Variants in DPYD observed in about 807,000 individuals in gnomAD.
DPYD encodes dihydropyrimidine dehydrogenase [NADP(+)].
A neutral mutation model predicts 116.2 loss-of-function variants in DPYD; 109 were observed. The observed-to-expected ratio is 0.94, with a 90% CI of 0.80 to 1.10. DPYD has a LOEUF of 1.10. Among genes scored for constraint, DPYD ranks in the 50% least tolerant of loss-of-function variants. DPYD has a pLI of 0.00. For missense variants in DPYD, 1,302 were observed against 1,254.5 expected (o/e 1.04, Z -0.57); for synonymous variants, 440 against 432.0 (o/e 1.02, Z -0.23).
intron 16 of DPYD, among the ~76,000 whole-genome samples, chr1:97,314,224 C>T (rs1667681598): frequency 6.6e-6 from 1 of 151,834 alleles, no homozygotes. Flanking sequence ...ATATTGAGGG[C>T]TTTTCCAGAG....
rs577452711 is a variant in DPYD, at chr1:97,188,570, G to T, written c.2622+4499C>A. On this transcript the variant is annotated intron_variant, in intron 20 of 22. Coordinates refer to ENST00000370192, the MANE Select transcript of DPYD (RefSeq NM_000110.4). ...AAGATATACAATTAAAGAAAATGCA[G>T]TACTTGCAATACTAGTTGTAGGAAC... is the stretch of plus-strand genomic sequence containing the variant. Among the ~76,000 whole-genome samples the T allele has an allele frequency of 6.7e-4, 102 of 152,254 alleles. 1 individual carries two copies. Among genetic ancestry groups the T allele is most frequent in the Non-Finnish European group, 1.4e-3 (93 of 68,016 alleles).
At chr1:97,568,837 T>C (rs1652707082) in intron 11 of DPYD, among the ~76,000 whole-genome samples, 1 of 152,120 alleles carries the variant, frequency 6.6e-6, no homozygotes, top group South Asian at 2.1e-4. Context: ...CACACTAATA[T>C]GTCAGTTGCT....
intron 19 of DPYD, among the ~76,000 whole-genome samples, chr1:97,217,561 T>A (rs1263386258): frequency 2.0e-5 from 3 of 152,156 alleles, no homozygotes; most frequent in Admixed American, 6.5e-5. Context: ...CTAGTCACAA[T>A]TAAATACCAT....
Position 97,679,513 on chromosome 1 carries a change from A to T in DPYD, c.763-331T>A, listed in dbSNP as rs138461309. Among the ~76,000 whole-genome samples, 21 of 152,262 alleles carry T rather than the reference A, an allele frequency of 1.4e-4. 1 individual carries two copies. The East Asian group carries it at 4.1e-3, about 29-fold the overall frequency. On this transcript the variant is annotated intron_variant, in intron 7 of 22. Transcript: ENST00000370192. ...ATAAATAAGACACATTTCCAGCATC[A>T]ATGTACAGTCAAGTAGGGGCAAAAG...
intron 13 of DPYD, among the ~76,000 whole-genome samples, chr1:97,498,524 T>G (rs1679400544): frequency 6.6e-6 from 1 of 150,974 alleles, no homozygotes; most frequent in African/African-American, 2.4e-5. Context: ...GTGTACTTAT[T>G]TAAAAGCCAA....
At position 97,750,960 on chromosome 1, in the gene DPYD, C is replaced by T. The variant is rs375230035; in HGVS notation, c.234-10481G>A. 4.6e-5 allele frequency among the ~76,000 whole-genome samples: 7 copies of T among 152,004 alleles called. No individual in the cohort carries two copies. The South Asian group carries it at 1.0e-3, about 23-fold the overall frequency. On this transcript the variant is annotated intron_variant, in intron 3 of 22. Transcript: ENST00000370192. Reference sequence around the variant, plus strand: ...CTCATAAAGCTACCATAAAAAAGGGCTGAGGTGGATGAAAAGAATACTGAG... The same window carrying T: ...CTCATAAAGCTACCATAAAAAAGGGTTGAGGTGGATGAAAAGAATACTGAG...
chr1:97,741,909 C>T (rs545806079), intron 3 of DPYD, among the ~76,000 whole-genome samples: 4 of 152,000 alleles, frequency 2.6e-5, no homozygotes, highest in Admixed American at 6.6e-5. Flanking sequence ...GCTTGAAGAA[C>T]GAGTGGACAT....
chr1:97,539,265 T>A (rs1029144628), intron 12 of DPYD, among the ~76,000 whole-genome samples: 3 of 152,116 alleles, frequency 2.0e-5, no homozygotes, highest in Admixed American at 6.5e-5. Context: ...AAATTTTTTT[T>A]AAATTTAATG....
rs973088602 is a variant in DPYD, at chr1:97,920,806, G to C, written c.39+78C>G. The C allele has an allele frequency of 7.2e-6, 11 of 1,533,786 alleles. No individual in the cohort carries two copies. In the South Asian group the frequency reaches 1.3e-4, roughly 18 times the overall value. ...TCACTCTCCGGGGTGCGGGGGCCGC[G>C]GGGGCCTCCCCGGCACCTACCCGCA... is the stretch of plus-strand genomic sequence containing the variant. On this transcript the variant is annotated intron_variant, in intron 1 of 22. Coordinates refer to ENST00000370192, the MANE Select transcript of DPYD (RefSeq NM_000110.4).
intron 5 of DPYD, among the ~76,000 whole-genome samples, chr1:97,716,802 A>T (rs2101015370): frequency 6.6e-6 from 1 of 152,226 alleles, no homozygotes; most frequent in East Asian, 1.9e-4. Context: ...TTCATCAATG[A>T]ATCAGAGTGC....
At chr1:97,432,081 A>T (rs1675207969) in intron 14 of DPYD, among the ~76,000 whole-genome samples, 1 of 152,122 alleles carries the variant, frequency 6.6e-6, no homozygotes, top group African/African-American at 2.4e-5. Context: ...TTGTGTATCT[A>T]TACCACTTTT....
At position 97,473,837 on chromosome 1, in the gene DPYD, T is replaced by C. The variant is rs375363909; in HGVS notation, c.1741-23614A>G. Among the ~76,000 whole-genome samples the C allele has an allele frequency of 1.1e-4, 16 of 151,920 alleles. 4 individuals carry two copies. Among genetic ancestry groups the C allele is most frequent in the African/African-American group, 3.9e-4 (16 of 41,454 alleles). On this transcript the variant is annotated intron_variant, in intron 13 of 22. Coordinates refer to ENST00000370192, the MANE Select transcript of DPYD (RefSeq NM_000110.4). Reference sequence around the variant, plus strand: ...GCCTGGGCAACATGGCAAAACCCCATCTCTACAAAAAACATAGAAAAAAAC... The same window carrying C: ...GCCTGGGCAACATGGCAAAACCCCACCTCTACAAAAAACATAGAAAAAAAC...
intron 18 of DPYD, among the ~76,000 whole-genome samples, chr1:97,294,377 G>A (rs903168481): frequency 3.3e-5 from 5 of 151,790 alleles, no homozygotes; most frequent in Non-Finnish European, 7.4e-5. Context: ...CTTCAGAAAG[G>A]ACTTAGTATA....
At chr1:97,728,374 T>C (rs1425239827) in intron 4 of DPYD, among the ~76,000 whole-genome samples, 1 of 152,080 alleles carries the variant, frequency 6.6e-6, no homozygotes, top group African/African-American at 2.4e-5. Context: ...TATACTTTGC[T>C]TTTTATTTAA....
At chr1:97,318,666 G>C (rs1269517758) in intron 16 of DPYD, among the ~76,000 whole-genome samples, 1 of 151,478 alleles carries the variant, frequency 6.6e-6, no homozygotes, top group East Asian at 2.0e-4. Flanking sequence ...ACATTAGACA[G>C]ATCAACGAGA....
At chr1:97,865,761 G>A (rs1336412689) in intron 2 of DPYD, among the ~76,000 whole-genome samples, 5 of 151,838 alleles carry the variant, frequency 3.3e-5, no homozygotes, top group Admixed American at 2.0e-4. Context: ...AATTCTGATC[G>A]AACCATGCCC....
intron 21 of DPYD, among the ~76,000 whole-genome samples, chr1:97,090,700 C>T (rs1223622399): frequency 2.0e-5 from 3 of 152,202 alleles, no homozygotes; most frequent in Non-Finnish European, 4.4e-5. Context: ...CCTTGCTAGA[C>T]TATGAGCTCC....
At chr1:97,540,184 G>A (rs1284991353) in intron 12 of DPYD, among the ~76,000 whole-genome samples, 1 of 151,664 alleles carries the variant, frequency 6.6e-6, no homozygotes, top group Non-Finnish European at 1.5e-5. Context: ...CCCCAAAACT[G>A]CCCCCTACCA....
chr1:97,874,781 T>G (rs1401300577), intron 2 of DPYD, among the ~76,000 whole-genome samples: 1 of 151,888 alleles, frequency 6.6e-6, no homozygotes, highest in Non-Finnish European at 1.5e-5. Context: ...TGGAGAACAT[T>G]TGCTTCGGTC....
Sources: gnomAD v4.1 joint callset for allele counts (sites outside exome capture counted in the v4.1 genomes callset) on GRCh38, gnomAD v4.1.1 for gene constraint, MANE v1.5 for transcripts, NCBI Gene and HGNC (gene_info 2026-07-23, HGNC 2026-07-21) for gene names.